Variants in SHISA9 observed in about 807,000 individuals in gnomAD.
The protein encoded by SHISA9 is shisa family member 9.
In SHISA9, 13 loss-of-function variants were observed where a neutral mutation model predicts 38.0. That is an observed-to-expected ratio of 0.34 (90% CI 0.22 to 0.54). The LOEUF is 0.54. SHISA9 is among the 20% of genes least tolerant of loss of function. The pLI, the probability that SHISA9 is intolerant of heterozygous loss-of-function variation, is 0.91. For missense variants in SHISA9, 538 were observed against 575.8 expected (o/e 0.93, Z 0.67); for synonymous variants, 275 against 242.0 (o/e 1.14, Z -1.27).
the SHISA9 span, among the ~76,000 whole-genome samples, chr16:13,430,413 C>T: frequency 2.0e-5 from 3 of 152,110 alleles, no homozygotes; most frequent in East Asian, 3.9e-4. Context: ...TTGCAAACTC[C>T]GGTGGGCCTG....
chr16:13,002,492 G>A (rs2072538075), intron 2 of SHISA9, among the ~76,000 whole-genome samples: 1 of 151,298 alleles, frequency 6.6e-6, no homozygotes, highest in Non-Finnish European at 1.5e-5. Flanking sequence ...CACTGTGCTA[G>A]GATCTGGCAT....
chr16:13,310,256 A>C, the SHISA9 span, among the ~76,000 whole-genome samples: 1 of 152,204 alleles, frequency 6.6e-6, no homozygotes, highest in Non-Finnish European at 1.5e-5. Flanking sequence ...CTCGTGTTAC[A>C]GTTATAACTG....
the SHISA9 span, among the ~76,000 whole-genome samples, chr16:13,289,550 A>C: frequency 3.9e-5 from 6 of 152,048 alleles, no homozygotes; most frequent in African/African-American, 1.2e-4. Flanking sequence ...ACAAAAAAAA[A>C]CCCCAAGAGG....
intron 2 of SHISA9, among the ~76,000 whole-genome samples, chr16:12,936,158 C>T (rs182066539): frequency 9.9e-5 from 15 of 152,162 alleles, no homozygotes; most frequent in Admixed American, 3.9e-4. Context: ...CTTGGGATGA[C>T]GGGTGAGAAA....
chr16:13,028,841 C>T (rs2072956845), intron 2 of SHISA9, among the ~76,000 whole-genome samples: 1 of 152,142 alleles, frequency 6.6e-6, no homozygotes, highest in Non-Finnish European at 1.5e-5. Context: ...GTGAAATTCT[C>T]TGATCGGTCA....
intron 2 of SHISA9, among the ~76,000 whole-genome samples, chr16:13,182,987 G>A (rs1285388427): frequency 6.6e-6 from 1 of 152,192 alleles, no homozygotes; most frequent in South Asian, 2.1e-4. Flanking sequence ...CTGTCATCTG[G>A]AACTTCAGCT....
chr16:13,508,294 A>G, the SHISA9 span, among the ~76,000 whole-genome samples: 1 of 152,230 alleles, frequency 6.6e-6, no homozygotes, highest in Admixed American at 6.5e-5. Context: ...ATGACTTTTA[A>G]TAGCTGCATA....
chr16:13,403,516 T>C, the SHISA9 span, among the ~76,000 whole-genome samples: 1 of 152,186 alleles, frequency 6.6e-6, no homozygotes, highest in South Asian at 2.1e-4. Context: ...ACCATGCTAA[T>C]CCCATGTGGA....
the SHISA9 span, among the ~76,000 whole-genome samples, chr16:13,515,721 A>C: frequency 6.6e-6 from 1 of 152,188 alleles, no homozygotes; most frequent in Non-Finnish European, 1.5e-5. Context: ...GAAACACACC[A>C]TAATAAATAC....
chr16:13,273,052 C>G, the SHISA9 span, among the ~76,000 whole-genome samples: 1 of 152,138 alleles, frequency 6.6e-6, no homozygotes. Flanking sequence ...ATCCAAGCCT[C>G]CAGTTGATTC....
chr16:13,325,399 A>G, the SHISA9 span, among the ~76,000 whole-genome samples: 1 of 152,164 alleles, frequency 6.6e-6, no homozygotes, highest in Non-Finnish European at 1.5e-5. Context: ...GGAAGGTATT[A>G]TGAGGCATGT....
intron 2 of SHISA9, among the ~76,000 whole-genome samples, chr16:13,102,805 A>G (rs1298655940): frequency 6.6e-6 from 1 of 152,168 alleles, no homozygotes; most frequent in Non-Finnish European, 1.5e-5. Context: ...CACCCAATGT[A>G]GTCGCTGTTC....
intron 2 of SHISA9, among the ~76,000 whole-genome samples, chr16:12,956,031 A>C (rs915933733): frequency 1.3e-5 from 2 of 152,226 alleles, no homozygotes; most frequent in Admixed American, 6.5e-5. Flanking sequence ...TAATATCAAG[A>C]ATCTAGAAGT....
chr16:13,394,543 T>A, the SHISA9 span, among the ~76,000 whole-genome samples: 3 of 152,184 alleles, frequency 2.0e-5, no homozygotes, highest in African/African-American at 7.2e-5. Flanking sequence ...ATTCTCTTCC[T>A]CCATCCCTGC....
In SHISA9 at chr16:13,201,670, C is replaced by A. The variant is rs756090675; in HGVS notation, c.692-1724C>A. On this transcript the variant is annotated intron_variant, in intron 2 of 4. Transcript: ENST00000558583. Reference sequence around the variant, plus strand: ...CTCCTACTCTAAACTTGTCCCAGTCCATGTGAACTCTGAAGTATCATCATT... The same window carrying A: ...CTCCTACTCTAAACTTGTCCCAGTCAATGTGAACTCTGAAGTATCATCATT... Among the ~76,000 whole-genome samples, 6 of 131,218 alleles carry A rather than the reference C, an allele frequency of 4.6e-5. 1 individual carries two copies. The highest frequency in any genetic ancestry group is 9.9e-5 in the Non-Finnish European group (6 of 60,840). The allele number at this position is 131,218 out of a possible 152,430, so 86.1% of individuals were successfully genotyped here.
the SHISA9 span, among the ~76,000 whole-genome samples, chr16:13,297,465 T>A: frequency 1.3e-5 from 2 of 152,104 alleles, no homozygotes. Flanking sequence ...AAAGAGATGA[T>A]GGGATGGAGA....
intron 2 of SHISA9, among the ~76,000 whole-genome samples, chr16:13,106,966 TTCTC>T (rs56109043): frequency 0.35 from 50,253 of 144,934 alleles, 9,065 homozygotes; most frequent in Middle Eastern, 0.44. Context: ...CTTTCTCACG[TTCTC>T]TCTCTCTCTC....
rs59577475 is a variant in SHISA9 at position 13,012,230 on chromosome 16, G to T, written c.691+95415G>T. Among the ~76,000 whole-genome samples, 724 of 152,246 alleles carry T rather than the reference G, an allele frequency of 4.8e-3. 5 individuals are homozygous for T. Among genetic ancestry groups the T allele is most frequent in the African/African-American group, 0.017 (697 of 41,512 alleles). On this transcript the variant is annotated intron_variant, in intron 2 of 4. Transcript: ENST00000558583. ...CCCTTACAGAGTGAACATTTTTAAG[G>T]AGAAATGACACAGAATAATATTATA... is the stretch of plus-strand genomic sequence containing the variant.
intron 2 of SHISA9, among the ~76,000 whole-genome samples, chr16:13,176,346 A>G (rs1416772864): frequency 6.6e-6 from 1 of 152,130 alleles, no homozygotes; most frequent in African/African-American, 2.4e-5. Context: ...ACACCTGCAG[A>G]GGTGCCCATT....
Sources: allele counts gnomAD v4.1 joint callset (sites outside exome capture counted in the v4.1 genomes callset), GRCh38; gene constraint gnomAD v4.1.1; transcripts MANE v1.5; gene names NCBI Gene and HGNC (gene_info 2026-07-23, HGNC 2026-07-21).